Variants in TNRC18 observed in about 807,000 individuals in gnomAD.
The protein encoded by TNRC18 is trinucleotide repeat containing 18.
A neutral mutation model predicts 226.7 loss-of-function variants in TNRC18; 69 were observed. The observed-to-expected ratio is 0.30, with a 90% CI of 0.25 to 0.37. TNRC18 has a LOEUF of 0.37. Among genes scored for constraint, TNRC18 ranks in the 10% least tolerant of loss-of-function variants. The pLI, the probability that TNRC18 is intolerant of heterozygous loss-of-function variation, is 1.00. For synonymous variants in TNRC18, 2,449 were observed against 1,927.6 expected (o/e 1.27, Z -7.09); for missense variants, 4,754 against 4,256.6 (o/e 1.12, Z -3.25).
rs753640346 is a variant in TNRC18, at chr7:5,371,155, C to T, written c.3439G>A (p.Gly1147Ser). 6.2e-7 allele frequency: 1 copy of T among 1,608,866 alleles called. No individual in the cohort carries two copies. The highest frequency in any genetic ancestry group is 1.7e-5 in the Admixed American group (1 of 59,828). ...TCAGCCAGCGGTTCTTCCTCCGGGC[C>T]CTCCCGCAGCGGCTCTGTGATCTTG... is the stretch of plus-strand genomic sequence containing the variant. ...PSKITEPLREGPEEEPLAERE... is the reference protein window; with the variant it reads ...PSKITEPLRESPEEEPLAERE... Residue 1147 changes from glycine (G) to serine (S), a missense_variant, in exon 11 of 30, where the codon GGC becomes AGC. By Grantham distance (56) the Gly-to-Ser change is moderately conservative. Transcript: ENST00000430969.
At chr7:5,359,796 TTTTC>T (rs1486349000) in intron 14 of TNRC18, among the ~76,000 whole-genome samples, 1 of 151,574 alleles carries the variant, frequency 6.6e-6, no homozygotes, top group Non-Finnish European at 1.5e-5. Context: ...GAAGAAAGCA[TTTTC>T]TTTCTTGTGC....
At chr7:5,337,377 G>T (rs773678186) in intron 18 of TNRC18, among the ~76,000 whole-genome samples, 1 of 152,026 alleles carries the variant, frequency 6.6e-6, no homozygotes, top group African/African-American at 2.4e-5. Context: ...CCAACTACTC[G>T]GGAGGCTGAG....
At chr7:5,402,492 G>A (rs1584083762) in intron 2 of TNRC18, among the ~76,000 whole-genome samples, 1 of 151,672 alleles carries the variant, frequency 6.6e-6, no homozygotes, top group South Asian at 2.1e-4. Flanking sequence ...CCGAGATCGC[G>A]CCACCACACT....
intron 21 of TNRC18, among the ~76,000 whole-genome samples, chr7:5,322,935 A>C (rs532582755): frequency 1.6e-4 from 25 of 152,274 alleles, no homozygotes; most frequent in Middle Eastern, 3.4e-3. Context: ...CCCAATGCTG[A>C]GCCTAGGCCT....
chr7:5,354,743 C>T (rs1792165089), intron 16 of TNRC18, among the ~76,000 whole-genome samples: 1 of 152,164 alleles, frequency 6.6e-6, no homozygotes, highest in Non-Finnish European at 1.5e-5. Context: ...AGACGAAACA[C>T]ACGCACCCTG....
intron 19 of TNRC18, among the ~76,000 whole-genome samples, chr7:5,330,726 T>C (rs1789439271): frequency 6.6e-6 from 1 of 152,074 alleles, no homozygotes; most frequent in Non-Finnish European, 1.5e-5. Context: ...CAGGCTGGAG[T>C]GCAGTGGCAC....
At chr7:5,381,970 ATAAAT>A (rs1399466827) in intron 5 of TNRC18, among the ~76,000 whole-genome samples, 1 of 152,136 alleles carries the variant, frequency 6.6e-6, no homozygotes, top group African/African-American at 2.4e-5. Context: ...CATCTCATAA[ATAAAT>A]TAATTAATTA....
At chr7:5,386,593 AG>A (rs1290411517) in intron 5 of TNRC18, among the ~76,000 whole-genome samples, 1 of 151,494 alleles carries the variant, frequency 6.6e-6, no homozygotes, top group Admixed American at 6.6e-5. Context: ...AAAAAGAAAA[AG>A]AAAAAATTAG....
intron 2 of TNRC18, among the ~76,000 whole-genome samples, chr7:5,416,693 T>A (rs1782211093): frequency 1.4e-5 from 2 of 146,710 alleles, no homozygotes; most frequent in South Asian, 4.3e-4. Context: ...CCGTCTCTAC[T>A]AAAAATAAAA....
intron 18 of TNRC18, 36 bp downstream of exon 18, chr7:5,345,526 A>ACCCCC: frequency 3.9e-5 from 7 of 177,480 alleles, no homozygotes; most frequent in Non-Finnish European, 5.4e-5. Flanking sequence ...CGCCCCTCCC[A>ACCCCC]CCCACCCCCA....
rs1176233371 is a variant in TNRC18 at position 5,321,198 on chromosome 7, G to A, written c.6443-8C>T. 12 of 1,533,638 alleles carry A rather than the reference G, an allele frequency of 7.8e-6. No individual in the cohort carries two copies. The highest frequency in any genetic ancestry group is 2.5e-5 in the East Asian group (1 of 40,538). ...TGATGCAGGAGCGAGGGGCTGCAGG[G>A]GTTGGATCGTGAGGCGAGGCTGGAG... On this transcript the variant is annotated splice_polypyrimidine_tract_variant and splice_region_variant and intron_variant, in intron 21 of 29. Coordinates refer to ENST00000430969, the MANE Select transcript of TNRC18 (RefSeq NM_001080495.3).
At chr7:5,354,925 G>C (rs962276093) in intron 16 of TNRC18, among the ~76,000 whole-genome samples, 5 of 152,142 alleles carry the variant, frequency 3.3e-5, no homozygotes, top group South Asian at 4.1e-4. Flanking sequence ...CAATAAACAC[G>C]GCGACTTTTC....
chr7:5,350,122 T>C (rs1186138994), intron 17 of TNRC18, among the ~76,000 whole-genome samples: 1 of 108,664 alleles, frequency 9.2e-6, no homozygotes, highest in Non-Finnish European at 2.0e-5. Context: ...ATGGGGGAGA[T>C]GGGGGAAAGG....
At position 5,376,223 on chromosome 7, in the gene TNRC18, C is replaced by T. The variant is rs769570437; in HGVS notation, c.2610G>A (p.Ala870=). Residue 870 remains alanine (A), a splice_region_variant and synonymous_variant, in exon 9 of 30, where the codon GCG becomes GCA. Transcript: ENST00000430969. The part of the protein sequence containing the change: ...VIPSDHLPHF[A]ELMERATVPP... ...GTACGGTGGCCCGCTCCATCAGCTC[C>T]GCTGCAGGGACAGAGACAGTGCGCT... The T allele has an allele frequency of 1.1e-5, 17 of 1,495,822 alleles. No homozygotes were observed. The highest frequency in any genetic ancestry group is 2.4e-5 in the East Asian group (1 of 41,806). The allele number at this position is 1,495,822 out of a possible 1,614,324, so 92.7% of individuals were successfully genotyped here.
rs1365755708 is a variant in TNRC18, at chr7:5,307,892, G to A, written c.*214C>T. The stretch of plus-strand genomic sequence containing the variant: ...GCCCCTGTCCTGGGGGCACTGAGGG[G>A]TTGGAAGGTGGGGCTGGAGGCATGT... On this transcript the variant is annotated 3_prime_UTR_variant, in exon 30 of 30. Coordinates refer to ENST00000430969, the MANE Select transcript of TNRC18 (RefSeq NM_001080495.3). 6.8e-6 allele frequency: 4 copies of A among 585,662 alleles called. No homozygotes were observed. The highest frequency in any genetic ancestry group is 1.2e-5 in the Non-Finnish European group (4 of 328,172). 36.3% of individuals were successfully genotyped at this position (585,662 alleles called of 1,614,324 possible).
In TNRC18 at chr7:5,359,271, T is replaced by C. The variant is rs12534467; in HGVS notation, c.4833+127A>G. On this transcript the variant is annotated intron_variant, in intron 15 of 29. Coordinates refer to ENST00000430969, the MANE Select transcript of TNRC18 (RefSeq NM_001080495.3). Reference sequence around the variant, plus strand: ...GATTGGAGAAGAGTCATTCCGGCATTGAAGACAACCACTTCTAAGGTTTCT... The same window carrying C: ...GATTGGAGAAGAGTCATTCCGGCATCGAAGACAACCACTTCTAAGGTTTCT... The C allele has an allele frequency of 0.31, 310,563 of 991,218 alleles. 49,240 individuals carry two copies. Among genetic ancestry groups the C allele is most frequent in the Non-Finnish European group, 0.33 (214,024 of 653,710 alleles). 61.4% of individuals were successfully genotyped at this position (991,218 alleles called of 1,614,324 possible). A position where few individuals can be genotyped will look rare whatever the true frequency, so the allele number is the denominator to read the frequency against.
At chr7:5,416,284 G>A (rs1346734095) in intron 2 of TNRC18, among the ~76,000 whole-genome samples, 12 of 151,908 alleles carry the variant, frequency 7.9e-5, no homozygotes, top group South Asian at 4.2e-4. Context: ...ACATGGTGGC[G>A]GGCACCTGTA....
chr7:5,348,246 A>G (rs1562525958), intron 17 of TNRC18, among the ~76,000 whole-genome samples: 1 of 152,208 alleles, frequency 6.6e-6, no homozygotes, highest in East Asian at 1.9e-4. Flanking sequence ...CTGAGATGCA[A>G]CATCCAAAGT....
chr7:5,330,395 G>A (rs1355603257), intron 19 of TNRC18, among the ~76,000 whole-genome samples: 1 of 151,092 alleles, frequency 6.6e-6, no homozygotes, highest in Non-Finnish European at 1.5e-5. Flanking sequence ...ACCACTCCCA[G>A]CTAATTGTTT....
Sources: allele counts gnomAD v4.1 joint callset (sites outside exome capture counted in the v4.1 genomes callset), GRCh38; gene constraint gnomAD v4.1.1; transcripts MANE v1.5; gene names NCBI Gene and HGNC (gene_info 2026-07-23, HGNC 2026-07-21).